The following SPOP variants were observed in gnomAD, a reference collection of about 807,000 sequenced individuals.
SPOP encodes the protein speckle type BTB/POZ protein, also known as speckle-type POZ protein.
SPOP carries 11 observed loss-of-function variants against 45.6 expected under a neutral mutation model. The ratio of observed to expected loss-of-function variants is 0.24; its 90% CI spans 0.15 to 0.40. The LOEUF (loss-of-function observed/expected upper bound fraction) is 0.40. Among genes scored for constraint, SPOP ranks in the 10% least tolerant of loss-of-function variants. The pLI is 1.00. For synonymous variants in SPOP, 166 were observed against 166.3 expected (o/e 1.00, Z 0.01); for missense variants, 152 against 465.6 (o/e 0.33, Z 6.20).
At chr17:49,606,879 T>C (rs1331532107) in intron 8 of SPOP, among the ~76,000 whole-genome samples, 1 of 152,174 alleles carries the variant, frequency 6.6e-6, no homozygotes, top group East Asian at 1.9e-4. Context: ...CTGATAAAGT[T>C]TAAATACATT....
intron 8 of SPOP, among the ~76,000 whole-genome samples, chr17:49,604,567 C>A (rs888699722): frequency 1.3e-5 from 2 of 152,182 alleles, no homozygotes; most frequent in Non-Finnish European, 2.9e-5. Context: ...ACTTTTCCCT[C>A]CAATGGGTAT....
chr17:49,666,166 T>C (rs541707960), intron 1 of SPOP, among the ~76,000 whole-genome samples: 1 of 151,992 alleles, frequency 6.6e-6, no homozygotes, highest in African/African-American at 2.4e-5. Flanking sequence ...CTCATATATA[T>C]GGAAACATTT....
chr17:49,619,512 G>A lies in SPOP; in HGVS notation c.201-127C>T, dbSNP rs1021785747. The A allele has an allele frequency of 6.5e-6, 7 of 1,070,920 alleles. No individual in the cohort carries two copies. The highest frequency in any genetic ancestry group is 9.2e-6 in the Non-Finnish European group (7 of 764,160). The allele number at this position is 1,070,920 out of a possible 1,614,324, so 66.3% of individuals were successfully genotyped here. Reference sequence around the variant, plus strand: ...CCCCATAGAAGAATATAATTCAGTAGAATGACTAGTTGGGAACAACTTTTT... The same window carrying A: ...CCCCATAGAAGAATATAATTCAGTAAAATGACTAGTTGGGAACAACTTTTT... On this transcript the variant is annotated intron_variant, in intron 3 of 9. Coordinates refer to ENST00000504102, the MANE Select transcript of SPOP (RefSeq NM_001007228.2). This position sits in a 1 kb window ranked among gnomAD's most constrained non-coding sequence, Gnocchi z 4.9.
rs574398448 is a variant in SPOP at position 49,599,753 on chromosome 17, A to G, written c.*625T>C. On this transcript the variant is annotated 3_prime_UTR_variant, in exon 10 of 10. Transcript: ENST00000504102. ...CCTTCCCCTTTTGCCTTCACTTGTC[A>G]TTTTTCATAAAAGGATAAAAGGATG... 3.9e-5 allele frequency: 8 copies of G among 203,742 alleles called. No homozygotes were observed. Among genetic ancestry groups the G allele is most frequent in the Non-Finnish European group, 5.0e-5 (5 of 99,324 alleles). 12.6% of individuals were successfully genotyped at this position (203,742 alleles called of 1,614,324 possible).
At chr17:49,608,050 C>T in intron 6 of SPOP, 121 bp from the exon 7 acceptor site, 1 of 668,514 alleles carries the variant, frequency 1.5e-6, no homozygotes, top group Non-Finnish European at 2.4e-6. Context: ...AGGTCTCTAC[C>T]TCAATTTACA....
At chr17:49,611,183 G>T in intron 6 of SPOP, 97 bp downstream of exon 6, 1 of 1,368,478 alleles carries the variant, frequency 7.3e-7, no homozygotes, top group Middle Eastern at 1.9e-4. Flanking sequence ...TTGTAGTTGA[G>T]TTCAAAAAGT....
rs532980648 is a variant in SPOP, at chr17:49,640,799, C to T, written c.-66-17923G>A. 5.1e-4 allele frequency among the ~76,000 whole-genome samples: 77 copies of T among 152,220 alleles called. 1 individual carries two copies. Among genetic ancestry groups the T allele is most frequent in the Non-Finnish European group, 8.5e-4 (58 of 68,020 alleles). On this transcript the variant is annotated intron_variant, in intron 1 of 9. Coordinates refer to ENST00000504102, the MANE Select transcript of SPOP (RefSeq NM_001007228.2). ...TCTCACTATGTACCAGCTACACTGC[C>T]GTTCTTTGTTGTGATTCCTCAGAAT...
intron 1 of SPOP, among the ~76,000 whole-genome samples, chr17:49,623,895 A>G (rs962176621): frequency 5.3e-5 from 8 of 151,906 alleles, no homozygotes; most frequent in Admixed American, 5.2e-4. Context: ...TTGTTTTTTC[A>G]CCAGTCAGAC....
At chr17:49,659,032 G>T (rs1362674375) in intron 1 of SPOP, among the ~76,000 whole-genome samples, 3 of 152,244 alleles carry the variant, frequency 2.0e-5, no homozygotes, top group Non-Finnish European at 4.4e-5. Flanking sequence ...GACCTAGCTG[G>T]GTATGCTGGA....
intron 1 of SPOP, among the ~76,000 whole-genome samples, chr17:49,663,656 C>G (rs1032766062): frequency 1.3e-5 from 2 of 152,176 alleles, no homozygotes; most frequent in African/African-American, 4.8e-5. Context: ...TGGGCTGTCT[C>G]CAGGAAAAGC....
intron 8 of SPOP, among the ~76,000 whole-genome samples, chr17:49,605,878 T>C (rs1198200420): frequency 1.4e-5 from 2 of 140,140 alleles, no homozygotes; most frequent in Non-Finnish European, 3.1e-5. Flanking sequence ...ATCCCAGCTA[T>C]TCAGGAGGCT....
chr17:49,635,586 T>C (rs1054180537), intron 1 of SPOP, among the ~76,000 whole-genome samples: 1 of 152,028 alleles, frequency 6.6e-6, no homozygotes, highest in Non-Finnish European at 1.5e-5. Context: ...ATCAAACTCC[T>C]TTTATAAAGT....
At chr17:49,635,601 T>C (rs2072526251) in intron 1 of SPOP, among the ~76,000 whole-genome samples, 1 of 151,306 alleles carries the variant, frequency 6.6e-6, no homozygotes, top group Admixed American at 6.6e-5. Context: ...TAAAGTAAAA[T>C]GAAGCCTACA....
At chr17:49,677,137 G>T (rs1198194327) in intron 1 of SPOP, among the ~76,000 whole-genome samples, 5 of 152,186 alleles carry the variant, frequency 3.3e-5, no homozygotes, top group African/African-American at 1.2e-4. Flanking sequence ...GCCTCACTTA[G>T]TTCCATTTAT....
chr17:49,653,943 T>C (rs887014205), intron 1 of SPOP, among the ~76,000 whole-genome samples: 8 of 151,838 alleles, frequency 5.3e-5, no homozygotes, highest in African/African-American at 1.7e-4. Context: ...AGAAAAAAAG[T>C]TTTTTCTATT....
intron 2 of SPOP, 86 bp from the exon 3 acceptor site, chr17:49,622,153 C>T: frequency 2.7e-6 from 4 of 1,502,200 alleles, no homozygotes; most frequent in Non-Finnish European, 3.6e-6. Context: ...ATTTCCCCTC[C>T]CTCCCTCTGC....
At chr17:49,601,184 C>T (rs2071732904) in intron 9 of SPOP, 1 of 152,714 alleles carries the variant, frequency 6.5e-6, no homozygotes, top group African/African-American at 2.4e-5. Flanking sequence ...ATGTCTCAGA[C>T]CTGTCCTGCC....
At chr17:49,662,821 C>T (rs986090210) in intron 1 of SPOP, among the ~76,000 whole-genome samples, 1 of 152,138 alleles carries the variant, frequency 6.6e-6, no homozygotes, top group Non-Finnish European at 1.5e-5. Context: ...ACTGCACTAA[C>T]GATCCGGTAA....
At chr17:49,658,313 T>C (rs2072942229) in intron 1 of SPOP, among the ~76,000 whole-genome samples, 2 of 152,308 alleles carry the variant, frequency 1.3e-5, no homozygotes, top group South Asian at 4.1e-4. Context: ...TTTTACTTTT[T>C]TCTTTATACT....
Sources: gnomAD v4.1 joint callset for allele counts (sites outside exome capture counted in the v4.1 genomes callset) on GRCh38, gnomAD v4.1.1 for gene constraint, Gnocchi (gnomAD v3.1) non-coding constraint, MANE v1.5 for transcripts, NCBI Gene and HGNC (gene_info 2026-07-23, HGNC 2026-07-21) for gene names.